ROBO2: variants seen among roughly 807,000 people sequenced by gnomAD.
The protein encoded by ROBO2 is roundabout guidance receptor 2.
In ROBO2, 53 loss-of-function variants were observed where a neutral mutation model predicts 160.8. The observed-to-expected ratio is 0.33, with a 90% CI of 0.26 to 0.41. The LOEUF is 0.41. ROBO2 is among the 10% of genes least tolerant of loss of function. The probability of loss-of-function intolerance (pLI) is 1.00; values close to 1 mark genes in which losing one functional copy is unlikely to be tolerated. For synonymous variants in ROBO2, 664 were observed against 611.7 expected (o/e 1.09, Z -1.26); for missense variants, 1,577 against 1,722.4 (o/e 0.92, Z 1.49).
At chr3:77,217,005 C>T (rs1277062609) in intron 2 of ROBO2, among the ~76,000 whole-genome samples, 2 of 152,134 alleles carry the variant, frequency 1.3e-5, no homozygotes, top group East Asian at 3.9e-4. Flanking sequence ...GATGTTAGAG[C>T]TTCAAGGGAC....
chr3:76,066,077 A>G (rs542006308), intron 2 of ROBO2, among the ~76,000 whole-genome samples: 27 of 152,168 alleles, frequency 1.8e-4, no homozygotes, highest in African/African-American at 6.5e-4. Context: ...ACAATTTATC[A>G]TGTAGCTTTT....
chr3:76,001,912 G>A (rs141963852), intron 2 of ROBO2, among the ~76,000 whole-genome samples: 18 of 152,084 alleles, frequency 1.2e-4, no homozygotes, highest in African/African-American at 2.2e-4. Context: ...ATAGATTGAC[G>A]GATATTTTCT....
At chr3:76,529,294 G>C (rs1243911465) in intron 2 of ROBO2, among the ~76,000 whole-genome samples, 4 of 152,190 alleles carry the variant, frequency 2.6e-5, no homozygotes, top group Admixed American at 1.3e-4. Flanking sequence ...CTAGAGCTAA[G>C]GCAAGAGTGT....
At chr3:77,570,922 T>G (rs145138625) in intron 13 of ROBO2, among the ~76,000 whole-genome samples, 1 of 152,060 alleles carries the variant, frequency 6.6e-6, no homozygotes, top group Admixed American at 6.6e-5. Context: ...GTCCCCCTTC[T>G]CACCAGGCTA....
intron 4 of ROBO2, among the ~76,000 whole-genome samples, chr3:77,485,395 G>A (rs901993574): frequency 3.3e-5 from 5 of 151,998 alleles, no homozygotes; most frequent in Admixed American, 6.6e-5. Flanking sequence ...CTGTGATTCT[G>A]ATTCCTGTAT....
intron 9 of ROBO2, among the ~76,000 whole-genome samples, chr3:77,561,784 T>C (rs1324646654): frequency 6.6e-6 from 1 of 152,128 alleles, no homozygotes; most frequent in African/African-American, 2.4e-5. Context: ...TTGAAGTTTT[T>C]AAATGAAGAA....
chr3:76,285,342 G>A (rs1414169290), intron 2 of ROBO2, among the ~76,000 whole-genome samples: 1 of 152,034 alleles, frequency 6.6e-6, no homozygotes, highest in Non-Finnish European at 1.5e-5. Flanking sequence ...CAGTAACAAT[G>A]ATGGTACTCT....
chr3:77,076,476 G>A (rs921332124), intron 1 of ROBO2, among the ~76,000 whole-genome samples: 2 of 151,166 alleles, frequency 1.3e-5, no homozygotes, highest in Non-Finnish European at 2.9e-5. Flanking sequence ...ATTCTAAAAT[G>A]TAAATAAAAT....
intron 19 of ROBO2, among the ~76,000 whole-genome samples, chr3:77,599,296 A>C (rs1313290103): frequency 6.6e-6 from 1 of 152,150 alleles, no homozygotes; most frequent in Non-Finnish European, 1.5e-5. Flanking sequence ...AAGATAAATA[A>C]TTTGAGATCT....
rs138293680 is a variant in ROBO2 at position 77,013,870 on chromosome 3, A to G, written c.110-84144A>G. Among the ~76,000 whole-genome samples, 97 of 152,334 alleles carry G rather than the reference A, an allele frequency of 6.4e-4. No individual in the cohort carries two copies. The East Asian group carries it at 0.017, about 27-fold the overall frequency. On this transcript the variant is annotated intron_variant, in intron 2 of 26. Transcript: ENST00000487694. The stretch of plus-strand genomic sequence containing the variant: ...TATTTTGATACACTTTCGTTTCTCC[A>G]TGTTAACTTCCTTTTAGTGAGGTCT...
At chr3:76,629,225 A>G (rs1459769559) in intron 2 of ROBO2, among the ~76,000 whole-genome samples, 1 of 152,216 alleles carries the variant, frequency 6.6e-6, no homozygotes, top group East Asian at 1.9e-4. Flanking sequence ...CAAAATCCAC[A>G]CTGTTCTTCT....
intron 16 of ROBO2, among the ~76,000 whole-genome samples, chr3:77,585,555 T>G (rs2094024130): frequency 6.6e-6 from 1 of 152,054 alleles, no homozygotes; most frequent in African/African-American, 2.4e-5. Context: ...TTTGTTCAAA[T>G]AGTTGGAATA....
intron 2 of ROBO2, among the ~76,000 whole-genome samples, chr3:76,828,919 GGA>G (rs2066820488): frequency 6.6e-6 from 1 of 151,610 alleles, no homozygotes; most frequent in South Asian, 2.1e-4. Context: ...CTTTTCCTCT[GGA>G]GAACTCACAC....
chr3:76,280,272 A>C lies in ROBO2; in HGVS notation c.109+342670A>C, dbSNP rs188655645. Among the ~76,000 whole-genome samples the C allele has an allele frequency of 1.1e-3, 162 of 152,122 alleles. 3 individuals carry two copies. Among genetic ancestry groups the C allele is most frequent in the Admixed American group, 9.1e-3 (139 of 15,242 alleles). ...GACTGAATTGTGCCCCCTGCCATTC[A>C]TATGTTAAACCATAACCCCCAGTGT... On this transcript the variant is annotated intron_variant, in intron 2 of 26. Transcript: ENST00000487694.
intron 2 of ROBO2, among the ~76,000 whole-genome samples, chr3:77,009,995 G>A (rs1205684188): frequency 1.4e-5 from 2 of 144,964 alleles, no homozygotes; most frequent in South Asian, 2.2e-4. Context: ...GTTAGACCTT[G>A]TTTTATAGAC....
At chr3:76,324,385 T>C (rs1454136927) in intron 2 of ROBO2, among the ~76,000 whole-genome samples, 1 of 152,198 alleles carries the variant, frequency 6.6e-6, no homozygotes, top group Admixed American at 6.5e-5. Context: ...GATAATAAAA[T>C]TCATTGTTAA....
chr3:75,913,788 G>A (rs1946698231), intron 1 of ROBO2, among the ~76,000 whole-genome samples: 1 of 152,144 alleles, frequency 6.6e-6, no homozygotes, highest in African/African-American at 2.4e-5. Flanking sequence ...AGCACAGAAA[G>A]GTTGGTGTTT....
At chr3:77,464,911 C>T (rs1381704824) in intron 2 of ROBO2, among the ~76,000 whole-genome samples, 4 of 152,082 alleles carry the variant, frequency 2.6e-5, no homozygotes, top group African/African-American at 9.7e-5. Context: ...GAAAATATGT[C>T]AAGGGCAGTA....
chr3:76,507,087 G>A (rs1489817054), intron 2 of ROBO2, among the ~76,000 whole-genome samples: 1 of 151,964 alleles, frequency 6.6e-6, no homozygotes, highest in Non-Finnish European at 1.5e-5. Context: ...TGAGTTACAT[G>A]TTTACATGGC....
Sources: allele counts gnomAD v4.1 joint callset (sites outside exome capture counted in the v4.1 genomes callset), GRCh38; gene constraint gnomAD v4.1.1; transcripts MANE v1.5; gene names NCBI Gene and HGNC (gene_info 2026-07-23, HGNC 2026-07-21).